DPP6: variants seen among roughly 807,000 people sequenced by gnomAD.
DPP6 encodes the protein A-type potassium channel modulatory protein DPP6.
In DPP6, 69 loss-of-function variants were observed where a neutral mutation model predicts 122.6. That is an observed-to-expected ratio of 0.56 (90% CI 0.46 to 0.69). DPP6 has a LOEUF of 0.69. Among genes scored for constraint, DPP6 ranks in the 30% least tolerant of loss-of-function variants. The pLI is 0.00. For synonymous variants in DPP6, 418 were observed against 433.1 expected (o/e 0.97, Z 0.43); for missense variants, 928 against 1,116.9 (o/e 0.83, Z 2.41).
chr7:154,127,630 C>CAG (rs1808004368), intron 1 of DPP6, among the ~76,000 whole-genome samples: 10 of 98,176 alleles, frequency 1.0e-4, no homozygotes, highest in African/African-American at 5.6e-4. Context: ...CACACACACA[C>CAG]ACAGACACAC....
chr7:154,089,718 G>C (rs1804671059), intron 1 of DPP6, among the ~76,000 whole-genome samples: 1 of 141,188 alleles, frequency 7.1e-6, no homozygotes, highest in Non-Finnish European at 1.5e-5. Flanking sequence ...TCATGAAATC[G>C]ACGTGAAATG....
chr7:153,840,400 A>G, the DPP6 span, among the ~76,000 whole-genome samples: 2 of 152,108 alleles, frequency 1.3e-5, no homozygotes, highest in Non-Finnish European at 2.9e-5. Context: ...TCTAAACGCA[A>G]CTCACACATA....
exon 1 of DPP6, chr7:153,887,433 C>T (rs1798978378): frequency 2.2e-6 from 1 of 449,636 alleles, no homozygotes; most frequent in Non-Finnish European, 4.0e-6. Context: ...CACCCTCCAT[C>T]CAGGCTTTTT....
At chr7:154,283,818 C>T (rs1034858400) in intron 1 of DPP6, among the ~76,000 whole-genome samples, 2 of 152,100 alleles carry the variant, frequency 1.3e-5, no homozygotes, top group African/African-American at 2.4e-5. Flanking sequence ...TATTGGATAT[C>T]GCACTCTCTG....
intron 9 of DPP6, 107 bp downstream of exon 9, chr7:154,769,678 G>T: frequency 7.5e-7 from 1 of 1,339,072 alleles, no homozygotes; most frequent in Non-Finnish European, 9.7e-7. Flanking sequence ...TATGAGCAAA[G>T]CAGTTAACAC....
chr7:154,843,742 G>C lies in DPP6; in HGVS notation c.1667-10038G>C, dbSNP rs565894539. On this transcript the variant is annotated intron_variant, in intron 16 of 25. Transcript: ENST00000377770. ...TAGCAAGCCTGTATCCTGCAGTTGA[G>C]ATCCAGATAAGGAAAGCTGCTTACC... Among the ~76,000 whole-genome samples, 3 of 152,330 alleles carry C rather than the reference G, an allele frequency of 2.0e-5. No homozygotes were observed. The South Asian group carries it at 6.2e-4, about 32-fold the overall frequency.
the DPP6 span, among the ~76,000 whole-genome samples, chr7:153,788,437 G>A: frequency 2.0e-5 from 3 of 152,168 alleles, no homozygotes; most frequent in Non-Finnish European, 4.4e-5. Context: ...TAGCTCAGTG[G>A]CTCAAAAACT....
intron 7 of DPP6, among the ~76,000 whole-genome samples, chr7:154,674,673 T>G (rs1437628242): frequency 1.3e-5 from 2 of 152,196 alleles, no homozygotes; most frequent in African/African-American, 4.8e-5. Flanking sequence ...GGAAATTTAA[T>G]GAGTCCATTG....
intron 1 of DPP6, among the ~76,000 whole-genome samples, chr7:153,902,089 TC>T (rs1799660848): frequency 6.6e-6 from 1 of 152,230 alleles, no homozygotes; most frequent in Admixed American, 6.5e-5. Context: ...AGAACACTTT[TC>T]TTATTTGAAT....
At chr7:154,132,111 G>T (rs1014105026) in intron 1 of DPP6, among the ~76,000 whole-genome samples, 1 of 151,906 alleles carries the variant, frequency 6.6e-6, no homozygotes, top group Admixed American at 6.6e-5. Context: ...TGAATTCTAG[G>T]TCTTAGTGTT....
intron 16 of DPP6, among the ~76,000 whole-genome samples, chr7:154,824,255 G>T (rs201833725): frequency 1.2e-4 from 6 of 50,956 alleles, no homozygotes; most frequent in Admixed American, 5.9e-4. Flanking sequence ...TGTTTTTGTT[G>T]TTGTTGTTGT....
chr7:154,380,739 C>T (rs971889800), intron 1 of DPP6, among the ~76,000 whole-genome samples: 1 of 152,188 alleles, frequency 6.6e-6, no homozygotes, highest in Non-Finnish European at 1.5e-5. Flanking sequence ...GGCTGCAGAT[C>T]CCTCATGGTC....
chr7:153,920,696 G>T (rs1377869721), intron 1 of DPP6, among the ~76,000 whole-genome samples: 1 of 150,504 alleles, frequency 6.6e-6, no homozygotes, highest in Non-Finnish European at 1.5e-5. Flanking sequence ...GAGTAGCTGG[G>T]ATTACAAACG....
At chr7:154,583,018 T>G (rs528077331) in intron 5 of DPP6, among the ~76,000 whole-genome samples, 1 of 152,336 alleles carries the variant, frequency 6.6e-6, no homozygotes, top group African/African-American at 2.4e-5. Flanking sequence ...TATTCCTCTC[T>G]GCAAACACCT....
At chr7:154,427,429 T>C (rs942286787) in intron 1 of DPP6, among the ~76,000 whole-genome samples, 4 of 152,248 alleles carry the variant, frequency 2.6e-5, no homozygotes, top group Non-Finnish European at 4.4e-5. Context: ...TCACATTCAG[T>C]AGTTAAATAA....
intron 23 of DPP6, 121 bp from the exon 24 acceptor site, chr7:154,889,151 C>T: frequency 7.0e-7 from 1 of 1,421,084 alleles, no homozygotes; most frequent in Non-Finnish European, 9.3e-7. Flanking sequence ...CATCCCGGTT[C>T]TCCGGGAACT....
intron 1 of DPP6, among the ~76,000 whole-genome samples, chr7:154,061,482 T>C (rs1387263425): frequency 6.8e-6 from 1 of 147,128 alleles, no homozygotes; most frequent in Non-Finnish European, 1.5e-5. Flanking sequence ...TTAGAGGGCC[T>C]TGGCAGCAAC....
At chr7:153,886,234 G>C (rs897805665), upstream of DPP6, among the ~76,000 whole-genome samples, 6 of 152,016 alleles carry the variant, frequency 3.9e-5, no homozygotes, top group Non-Finnish European at 8.8e-5. Flanking sequence ...CAACCTCTGC[G>C]CGCGCTCCTG....
intron 1 of DPP6, among the ~76,000 whole-genome samples, chr7:153,967,686 C>G (rs992291634): frequency 3.3e-5 from 5 of 152,048 alleles, no homozygotes; most frequent in Admixed American, 3.3e-4. Flanking sequence ...CTGTGATACA[C>G]TGTTGGTGGT....
Sources: allele counts gnomAD v4.1 joint callset (sites outside exome capture counted in the v4.1 genomes callset), GRCh38; gene constraint gnomAD v4.1.1; transcripts MANE v1.5; gene names NCBI Gene and HGNC (gene_info 2026-07-23, HGNC 2026-07-21).